Variants in FLNB observed in about 807,000 individuals in gnomAD.
FLNB encodes the protein filamin-B.
A neutral mutation model predicts 250.6 loss-of-function variants in FLNB; 111 were observed. That is an observed-to-expected ratio of 0.44 (90% CI 0.38 to 0.52). The LOEUF is 0.52. Among genes scored for constraint, FLNB ranks in the 20% least tolerant of loss-of-function variants. FLNB has a pLI of 0.00. For synonymous variants in FLNB, 1,302 were observed against 1,372.1 expected (o/e 0.95, Z 1.13); for missense variants, 2,869 against 3,447.8 (o/e 0.83, Z 4.20).
chr3:58,076,919 C>G (rs1011077174), intron 1 of FLNB, 127 bp from the exon 2 acceptor site: 2 of 1,134,486 alleles, frequency 1.8e-6, no homozygotes, highest in East Asian at 4.8e-5. Flanking sequence ...AGCATTACAT[C>G]ATTTCACTCT....
chr3:58,161,078 G>A (rs9855529), intron 42 of FLNB, among the ~76,000 whole-genome samples: 30,641 of 152,146 alleles, frequency 0.2, 3,585 homozygotes, highest in Middle Eastern at 0.34. Context: ...GGAGGAACAA[G>A]TGTAAAGGAT....
At chr3:58,158,382 T>C (rs998742701) in intron 41 of FLNB, among the ~76,000 whole-genome samples, 8 of 152,360 alleles carry the variant, frequency 5.3e-5, no homozygotes, top group African/African-American at 1.9e-4. Context: ...GCCTCGTGGC[T>C]GGTGACTACC....
intron 8 of FLNB, among the ~76,000 whole-genome samples, chr3:58,099,270 G>C (rs1451471487): frequency 6.6e-6 from 1 of 152,106 alleles, no homozygotes; most frequent in African/African-American, 2.4e-5. Flanking sequence ...CCATTGCTTG[G>C]CCTTTACTGG....
At chr3:58,162,077 A>C (rs943506267) in intron 42 of FLNB, among the ~76,000 whole-genome samples, 2 of 152,058 alleles carry the variant, frequency 1.3e-5, no homozygotes, top group Non-Finnish European at 2.9e-5. Context: ...CTTCCCCTAC[A>C]ACACATTGGC....
chr3:58,136,886 A>C (rs1227585526), intron 28 of FLNB, among the ~76,000 whole-genome samples: 1 of 151,118 alleles, frequency 6.6e-6, no homozygotes, highest in Non-Finnish European at 1.5e-5. Flanking sequence ...TGCCCGGCTA[A>C]GTTTTGTATT....
chr3:58,062,027 G>C (rs1009139538), intron 1 of FLNB, among the ~76,000 whole-genome samples: 2 of 152,026 alleles, frequency 1.3e-5, no homozygotes, highest in African/African-American at 2.4e-5. Flanking sequence ...GGAGGCGGAG[G>C]TTGCAGTAAG....
At position 58,104,058 on chromosome 3, in the gene FLNB, C is replaced by T. The variant is rs2097255297; in HGVS notation, c.1583C>T (p.Thr528Ile). Reference protein sequence around the residue: ...STPGRYSIAITWGGHHIPKSP... With the variant: ...STPGRYSIAIIWGGHHIPKSP... ...CCGGGGAGATACAGCATTGCCATCA[C>T]ATGGGGGGGACACCACATTCCAAAG... The change falls in exon 10 of 46, where the codon ACA becomes ATA. Residue 528 changes from threonine (T) to isoleucine (I), a missense_variant. Thr to Ile is a moderately conservative substitution (Grantham distance 89). This residue lies in a region of FLNB where 1,348 missense variants were observed against 1,466.7 expected (regional missense o/e 0.92). Transcript: ENST00000295956. 2.5e-6 allele frequency: 4 copies of T among 1,613,876 alleles called. No individual in the cohort carries two copies. The East Asian group carries it at 6.7e-5, about 27-fold the overall frequency.
Position 58,008,739 on chromosome 3 carries a change from C to T in FLNB, c.175C>T (p.Gln59Ter), listed in dbSNP as rs748397777. ...CATCGCGCTGCTCGAGGTGCTCAGC[C>T]AGAAGCGCATGTACCGCAAGTACCA... ...RLIALLEVLS[Q>*]KRMYRKYHQR... is the part of the protein sequence containing the mutation. The change falls in exon 1 of 46, where the codon CAG (glutamine) becomes TAG (stop). Residue 59 changes from glutamine (Q) to a stop codon, truncating the protein, a stop_gained. Transcript: ENST00000295956. LOFTEE classifies it high-confidence loss of function. The T allele has an allele frequency of 6.2e-7, 1 of 1,614,168 alleles. No homozygotes were observed. Among genetic ancestry groups the T allele is most frequent in the Non-Finnish European group, 8.5e-7 (1 of 1,180,032 alleles).
intron 1 of FLNB, among the ~76,000 whole-genome samples, chr3:58,050,374 C>G (rs1408431066): frequency 2.0e-5 from 3 of 152,116 alleles, no homozygotes; most frequent in Non-Finnish European, 4.4e-5. Context: ...AGTGGGCTCT[C>G]AGACCAGAAG....
intron 9 of FLNB, 31 bp downstream of exon 9, chr3:58,102,371 T>C: frequency 6.2e-7 from 1 of 1,613,510 alleles, no homozygotes; most frequent in South Asian, 1.1e-5. Flanking sequence ...CTATCTCAGG[T>C]GTGGTTTTGG....
chr3:58,020,135 T>A (rs1214833144), intron 1 of FLNB, among the ~76,000 whole-genome samples: 1 of 149,900 alleles, frequency 6.7e-6, no homozygotes, highest in Non-Finnish European at 1.5e-5. Flanking sequence ...TGCCAGGAGA[T>A]CCTTGGTGAC....
chr3:58,054,977 A>C (rs541179849), intron 1 of FLNB, among the ~76,000 whole-genome samples: 1 of 152,262 alleles, frequency 6.6e-6, no homozygotes, highest in African/African-American at 2.4e-5. Flanking sequence ...CTAAATATTT[A>C]CTATCCAGGC....
rs373474943 is a variant in FLNB at position 58,145,904 on chromosome 3, G to T, written c.5426-17G>T. 2 of 1,613,978 alleles carry T rather than the reference G, an allele frequency of 1.2e-6. No homozygotes were observed. The highest frequency in any genetic ancestry group is 2.7e-5 in the African/African-American group (2 of 74,914). ...CTTAATGAGCACCAATTTTGTTTGT[G>T]TCCTTCGTAAACCCAGAGAGCCCAC... On this transcript the variant is annotated splice_polypyrimidine_tract_variant and intron_variant, in intron 32 of 45. Transcript: ENST00000295956.
intron 26 of FLNB, 51 bp downstream of exon 26, chr3:58,132,982 C>T: frequency 6.4e-7 from 1 of 1,566,644 alleles, no homozygotes; most frequent in South Asian, 1.3e-5. Context: ...TATCTGTCCA[C>T]CCATCCATTC....
intron 26 of FLNB, among the ~76,000 whole-genome samples, chr3:58,133,999 G>A (rs1291172206): frequency 4.6e-5 from 7 of 152,152 alleles, no homozygotes; most frequent in African/African-American, 1.2e-4. Flanking sequence ...ACAAAAGTGG[G>A]GTAAATGTGT....
chr3:58,132,747 G>C (rs2097309546), intron 25 of FLNB, 61 bp from the exon 26 acceptor site: 1 of 1,609,888 alleles, frequency 6.2e-7, no homozygotes, highest in Admixed American at 1.7e-5. Flanking sequence ...TTCAGACTCA[G>C]CCAAGGGTGG....
At chr3:58,133,244 T>G (rs1438334484) in intron 26 of FLNB, among the ~76,000 whole-genome samples, 1 of 152,138 alleles carries the variant, frequency 6.6e-6, no homozygotes, top group Non-Finnish European at 1.5e-5. Flanking sequence ...GCTCCCGCTC[T>G]CTCACTCCCC....
intron 1 of FLNB, among the ~76,000 whole-genome samples, chr3:58,060,804 GAAAGAAAAGA>G (rs141110986): frequency 1.1e-3 from 126 of 118,618 alleles, no homozygotes; most frequent in African/African-American, 2.3e-3. Flanking sequence ...AAAAAAGAAA[GAAAGAAAAGA>G]AAAGAAAAGA....
chr3:58,073,827 A>G (rs1401015105), intron 1 of FLNB, among the ~76,000 whole-genome samples: 1 of 152,226 alleles, frequency 6.6e-6, no homozygotes, highest in African/African-American at 2.4e-5. Flanking sequence ...TCCCACTGAC[A>G]GGTCCCAGCT....
Sources: gnomAD v4.1 joint callset for allele counts (sites outside exome capture counted in the v4.1 genomes callset) on GRCh38, gnomAD v4.1.1 for gene constraint, gnomAD v4.1.1 regional missense constraint, MANE v1.5 for transcripts, NCBI Gene and HGNC (gene_info 2026-07-23, HGNC 2026-07-21) for gene names.